LRCH3: variants seen among roughly 807,000 people sequenced by gnomAD.
The protein encoded by LRCH3 is leucine rich repeats and calponin homology domain containing 3.
A neutral mutation model predicts 104.5 loss-of-function variants in LRCH3; 68 were observed. The observed-to-expected ratio is 0.65, with a 90% CI of 0.54 to 0.80. The LOEUF (loss-of-function observed/expected upper bound fraction) is 0.80, where lower values mean the gene tolerates loss of function less well. Among genes scored for constraint, LRCH3 ranks in the 30% least tolerant of loss-of-function variants. The pLI is 0.00. For synonymous variants in LRCH3, 344 were observed against 361.3 expected, an observed-to-expected ratio of 0.95 and a Z score of 0.54; for missense variants, 951 against 953.9, an observed-to-expected ratio of 1.00 and a Z score of 0.04.
chr3:197,854,324 T>G lies in LRCH3; in HGVS notation c.1591-68T>G. 3 of 1,322,066 alleles carry G rather than the reference T, an allele frequency of 2.3e-6. No individual in the cohort carries two copies. Among genetic ancestry groups the G allele is most frequent in the Admixed American group, 1.7e-5 (1 of 59,602 alleles). The allele number at this position is 1,322,066 out of a possible 1,614,324, so 81.9% of individuals were successfully genotyped here. ...TATGTCTCTTCCCTTGTGTGTGTAT[T>G]CGTGAAATACGTCACACGTGTGCGT... On this transcript the variant is annotated intron_variant, in intron 13 of 20. Coordinates refer to ENST00000425562, the MANE Select transcript of LRCH3 (RefSeq NM_001365715.1). The surrounding 1 kb of genome is among the most constrained non-coding windows in gnomAD (Gnocchi z 4.5).
At chr3:197,882,989 A>C in intron 20 of LRCH3, 1 of 985,442 alleles carries the variant, frequency 1.0e-6, no homozygotes, top group Non-Finnish European at 1.2e-6. Context: ...CTCAGGATAC[A>C]CTGAGTTTCT....
chr3:197,850,953 A>G (rs749650248), intron 12 of LRCH3: 5 of 791,234 alleles, frequency 6.3e-6, no homozygotes, highest in African/African-American at 3.4e-5. Context: ...ATAGCGAACC[A>G]TTTTTCACAG....
rs749510526 is a variant in LRCH3, at chr3:197,870,241, G to C, written c.1955G>C (p.Arg652Thr). The C allele has an allele frequency of 4.8e-5, 78 of 1,613,312 alleles. No homozygotes were observed. Among genetic ancestry groups the C allele is most frequent in the East Asian group, 2.7e-4 (12 of 44,888 alleles). The change falls in exon 18 of 21, where the codon AGA becomes ACA. Residue 652 changes from arginine to threonine, a missense_variant. Coordinates refer to ENST00000425562, the MANE Select transcript of LRCH3 (RefSeq NM_001365715.1). ...ATAACAGGACAGAATTCAAGACAGA[G>C]AGAAGAAGAGCTGGAATTAATAGAC... ...DSITGQNSRQ[R>T]EEELELIDQL...
chr3:197,823,847 T>TA (rs1284847306), intron 4 of LRCH3, among the ~76,000 whole-genome samples: 1 of 152,286 alleles, frequency 6.6e-6, no homozygotes, highest in Admixed American at 6.5e-5. Flanking sequence ...CTTTGACACT[T>TA]ATGTCAGCTT....
Position 197,871,586 on chromosome 3 carries a change from C to T in LRCH3, c.2130+124C>T, listed in dbSNP as rs906145883. On this transcript the variant is annotated intron_variant, in intron 19 of 20. Coordinates refer to ENST00000425562, the MANE Select transcript of LRCH3 (RefSeq NM_001365715.1). ...CAGATATAAAGAGTCCAGTCTCTAC[C>T]TTCCTGGTCTCACTTCTACTCGAGA... 7.7e-6 allele frequency: 10 copies of T among 1,292,068 alleles called. No individual in the cohort carries two copies. In the Admixed American group the frequency reaches 1.9e-4, roughly 25 times the overall value. The allele number at this position is 1,292,068 out of a possible 1,614,324, so 80.0% of individuals were successfully genotyped here. A position where few individuals can be genotyped will look rare whatever the true frequency, so the allele number is the denominator to read the frequency against.
intron 7 of LRCH3, 106 bp downstream of exon 7, chr3:197,830,969 T>C: frequency 1.0e-6 from 1 of 981,748 alleles, no homozygotes; most frequent in Non-Finnish European, 1.6e-6. Context: ...CTACATAAAA[T>C]ACAGAAAAGT....
At chr3:197,865,970 C>T in intron 16 of LRCH3, 142 bp from the exon 17 acceptor site, 1 of 635,546 alleles carries the variant, frequency 1.6e-6, no homozygotes, top group Non-Finnish European at 2.7e-6. Flanking sequence ...TGATTATTTT[C>T]TGTACCAGAC....
At chr3:197,818,391 A>G (rs1370619844) in intron 3 of LRCH3, among the ~76,000 whole-genome samples, 1 of 152,240 alleles carries the variant, frequency 6.6e-6, no homozygotes, top group African/African-American at 2.4e-5. Context: ...AATTATGTCC[A>G]TTAGGATTTA....
At chr3:197,873,909 T>C (rs1448747321) in intron 19 of LRCH3, among the ~76,000 whole-genome samples, 1 of 151,362 alleles carries the variant, frequency 6.6e-6, no homozygotes, top group African/African-American at 2.4e-5. Flanking sequence ...TAGTCCCAGC[T>C]ACTTGGGAGG....
At chr3:197,795,679 A>AAGTT (rs397687910) in intron 1 of LRCH3, among the ~76,000 whole-genome samples, 10 of 132,216 alleles carry the variant, frequency 7.6e-5, no homozygotes, top group South Asian at 2.5e-4. Flanking sequence ...TGAGTAAAAA[A>AAGTT]GTTGTTGTTT....
intron 15 of LRCH3, among the ~76,000 whole-genome samples, chr3:197,864,415 C>T (rs1433073261): frequency 6.7e-6 from 1 of 149,946 alleles, no homozygotes; most frequent in African/African-American, 2.5e-5. Context: ...CGAGAACGGC[C>T]TGACTAACAT....
In LRCH3 at chr3:197,809,289, C is replaced by A. The variant is rs111981467; in HGVS notation, c.263-5619C>A. On this transcript the variant is annotated intron_variant, in intron 1 of 20. Transcript: ENST00000425562. The stretch of plus-strand genomic sequence containing the variant: ...CTCCAGCTGGGGTAACAGAGTGAGA[C>A]CCTGTCTAAAAAAAAAAAAAGGACT... Among the ~76,000 whole-genome samples the A allele has an allele frequency of 2.8e-4, 43 of 151,188 alleles. 1 individual carries two copies. The highest frequency in any genetic ancestry group is 1.0e-3 in the African/African-American group (42 of 41,198).
rs940070749 is a variant in LRCH3 at position 197,807,208 on chromosome 3, A to G, written c.263-7700A>G. Among the ~76,000 whole-genome samples the G allele has an allele frequency of 2.7e-5, 4 of 150,464 alleles. No individual in the cohort carries two copies. In the East Asian group the frequency reaches 5.9e-4, roughly 22 times the overall value. ...TTGAAGTGAGTTTCTTGTAAATAAC[A>G]TAGAGTTGCATTTTTTTTTTTTTTT... is the stretch of plus-strand genomic sequence containing the variant. On this transcript the variant is annotated intron_variant, in intron 1 of 20. Transcript: ENST00000425562.
intron 12 of LRCH3, 135 bp downstream of exon 12, chr3:197,848,156 G>C: frequency 2.6e-6 from 2 of 780,056 alleles, no homozygotes; most frequent in Non-Finnish European, 4.1e-6. Flanking sequence ...ACTAAATAGA[G>C]TGTCTCTTTT....
At chr3:197,803,317 G>T (rs1022458935) in intron 1 of LRCH3, among the ~76,000 whole-genome samples, 2 of 152,126 alleles carry the variant, frequency 1.3e-5, no homozygotes, top group Non-Finnish European at 2.9e-5. Flanking sequence ...GTAGCATATT[G>T]ATTCTCAGGC....
At chr3:197,827,776 A>G (rs972859675) in intron 5 of LRCH3, among the ~76,000 whole-genome samples, 10 of 152,136 alleles carry the variant, frequency 6.6e-5, no homozygotes, top group Admixed American at 6.5e-4. Context: ...TTGAGTGTAG[A>G]CACCATAAAT....
At chr3:197,851,747 T>G (rs1169047598) in intron 12 of LRCH3, among the ~76,000 whole-genome samples, 1 of 152,160 alleles carries the variant, frequency 6.6e-6, no homozygotes, top group Non-Finnish European at 1.5e-5. Context: ...ATAAAATGGA[T>G]TTGCTGAATT....
intron 10 of LRCH3, among the ~76,000 whole-genome samples, chr3:197,845,515 G>A (rs1392694105): frequency 1.3e-5 from 2 of 152,008 alleles, no homozygotes; most frequent in Non-Finnish European, 2.9e-5. Flanking sequence ...AGTATTCCAT[G>A]CTTTTTCGGG....
intron 6 of LRCH3, among the ~76,000 whole-genome samples, chr3:197,830,215 T>C (rs142903790): frequency 2.3e-4 from 35 of 152,324 alleles, no homozygotes; most frequent in Non-Finnish European, 4.1e-4. Context: ...CTGTGACTTA[T>C]AAGGTCATCT....
Sources: allele counts gnomAD v4.1 joint callset (sites outside exome capture counted in the v4.1 genomes callset), GRCh38; gene constraint gnomAD v4.1.1; non-coding constraint Gnocchi (gnomAD v3.1); transcripts MANE v1.5; gene names NCBI Gene and HGNC (gene_info 2026-07-23, HGNC 2026-07-21).